C1QTNF7: variants seen among roughly 807,000 people sequenced by gnomAD.
C1QTNF7 encodes complement C1q tumor necrosis factor-related protein 7.
In C1QTNF7, 15 loss-of-function variants were observed where a neutral mutation model predicts 19.6. The observed-to-expected ratio is 0.76, with a 90% confidence interval of 0.51 to 1.18. The LOEUF is 1.18. Ranked by LOEUF, C1QTNF7 falls within the 50% of genes most tolerant of loss-of-function variation. The pLI is 0.00. For missense variants in C1QTNF7, 324 were observed against 359.7 expected, an observed-to-expected ratio of 0.90 and a Z score of 0.80; for synonymous variants, 142 against 137.5, an observed-to-expected ratio of 1.03 and a Z score of -0.23.
chr4:15,387,162 T>C (rs1364774659), intron 1 of C1QTNF7, among the ~76,000 whole-genome samples: 1 of 152,188 alleles, frequency 6.6e-6, no homozygotes, highest in Admixed American at 6.5e-5. Flanking sequence ...CAAAGGGGAC[T>C]CCAAGTTATT....
chr4:15,411,588 G>C (rs1297470932), intron 1 of C1QTNF7, among the ~76,000 whole-genome samples: 1 of 152,124 alleles, frequency 6.6e-6, no homozygotes, highest in East Asian at 1.9e-4. Flanking sequence ...GGTGGAGCTG[G>C]GCTTCAAACC....
chr4:15,361,881 A>G (rs1577235444), intron 1 of C1QTNF7, among the ~76,000 whole-genome samples: 1 of 152,306 alleles, frequency 6.6e-6, no homozygotes, highest in East Asian at 1.9e-4. Context: ...TCTTCCACCA[A>G]GAAAACACAT....
chr4:15,408,072 G>T (rs1480036000), intron 1 of C1QTNF7, among the ~76,000 whole-genome samples: 1 of 152,044 alleles, frequency 6.6e-6, no homozygotes, highest in East Asian at 1.9e-4. Flanking sequence ...TTCGAGAGCA[G>T]CCTGGCCAAT....
At chr4:15,408,935 T>C (rs2108914265) in intron 1 of C1QTNF7, among the ~76,000 whole-genome samples, 1 of 152,086 alleles carries the variant, frequency 6.6e-6, no homozygotes, top group East Asian at 1.9e-4. Flanking sequence ...CTGTGGGAAA[T>C]AAATGTCTGT....
chr4:15,362,127 G>A (rs1018034157), intron 1 of C1QTNF7, among the ~76,000 whole-genome samples: 17 of 152,114 alleles, frequency 1.1e-4, no homozygotes, highest in African/African-American at 3.9e-4. Flanking sequence ...CCTACACCTC[G>A]AATGGCTGTT....
At chr4:15,403,208 C>T (rs557639657) in intron 1 of C1QTNF7, among the ~76,000 whole-genome samples, 1 of 152,228 alleles carries the variant, frequency 6.6e-6, no homozygotes, top group South Asian at 2.1e-4. Context: ...CGCAGCCCTT[C>T]CCTCTTGGAG....
chr4:15,379,308 C>T (rs1469889534), intron 1 of C1QTNF7, among the ~76,000 whole-genome samples: 1 of 152,118 alleles, frequency 6.6e-6, no homozygotes, highest in African/African-American at 2.4e-5. Context: ...GGATCCGACA[C>T]AATTTCAACC....
chr4:15,401,950 G>C (rs1229044336), intron 1 of C1QTNF7, among the ~76,000 whole-genome samples: 1 of 152,088 alleles, frequency 6.6e-6, no homozygotes, highest in Non-Finnish European at 1.5e-5. Context: ...ACCCAAATTG[G>C]TATTTTGAAC....
At chr4:15,409,090 C>T (rs1427959467) in intron 1 of C1QTNF7, among the ~76,000 whole-genome samples, 2 of 152,152 alleles carry the variant, frequency 1.3e-5, no homozygotes, top group African/African-American at 2.4e-5. Context: ...TTTTCAATTC[C>T]ACTTCTGCTC....
At chr4:15,441,157 A>T (rs1712743133) in intron 2 of C1QTNF7, among the ~76,000 whole-genome samples, 2 of 152,170 alleles carry the variant, frequency 1.3e-5, no homozygotes, top group African/African-American at 4.8e-5. Context: ...AGAAAAAAAA[A>T]GAATTTATGT....
chr4:15,421,286 A>T (rs1460549851), intron 1 of C1QTNF7, among the ~76,000 whole-genome samples: 3 of 152,156 alleles, frequency 2.0e-5, no homozygotes, highest in Admixed American at 2.0e-4. Flanking sequence ...ACATAATGTC[A>T]CAAAGACACT....
chr4:15,359,610 G>A (rs1717266709), intron 1 of C1QTNF7, among the ~76,000 whole-genome samples: 1 of 152,054 alleles, frequency 6.6e-6, no homozygotes, highest in African/African-American at 2.4e-5. Flanking sequence ...AAAACCCATG[G>A]AGGTTTTCTC....
intron 1 of C1QTNF7, among the ~76,000 whole-genome samples, chr4:15,384,307 T>C (rs1338618903): frequency 3.3e-5 from 5 of 152,188 alleles, no homozygotes; most frequent in African/African-American, 1.2e-4. Context: ...CCTTGACAGA[T>C]TGAAATGATA....
intron 1 of C1QTNF7, among the ~76,000 whole-genome samples, chr4:15,375,214 G>A (rs1717893388): frequency 6.6e-6 from 1 of 152,058 alleles, no homozygotes; most frequent in Non-Finnish European, 1.5e-5. Context: ...TAGGATTTTA[G>A]TAGAGGAAAA....
intron 1 of C1QTNF7, among the ~76,000 whole-genome samples, chr4:15,368,073 C>T (rs1717591725): frequency 6.6e-6 from 1 of 152,118 alleles, no homozygotes; most frequent in African/African-American, 2.4e-5. Flanking sequence ...CTGTCCCTGA[C>T]CTCATGCAAC....
chr4:15,369,605 TCTA>T (rs1259425649), intron 1 of C1QTNF7, among the ~76,000 whole-genome samples: 4 of 152,238 alleles, frequency 2.6e-5, no homozygotes, highest in African/African-American at 4.8e-5. Context: ...GCATTTTTAA[TCTA>T]CTACAGTAAG....
chr4:15,353,480 A>G (rs1173051049), intron 1 of C1QTNF7, among the ~76,000 whole-genome samples: 1 of 152,328 alleles, frequency 6.6e-6, no homozygotes, highest in Middle Eastern at 3.4e-3. Context: ...TGACACACCC[A>G]TAAAATACAA....
At chr4:15,420,869 G>T (rs188174242) in intron 1 of C1QTNF7, among the ~76,000 whole-genome samples, 1 of 113,628 alleles carries the variant, frequency 8.8e-6, no homozygotes, top group South Asian at 2.9e-4. Context: ...AAACCTCAGT[G>T]CTCAGCTTTC....
chr4:15,361,564 G>A (rs940781469), intron 1 of C1QTNF7, among the ~76,000 whole-genome samples: 2 of 152,056 alleles, frequency 1.3e-5, no homozygotes, highest in Non-Finnish European at 2.9e-5. Flanking sequence ...TTCCAGAAAG[G>A]TGTTTTTGCC....
Sources: gnomAD v4.1 joint callset for allele counts (sites outside exome capture counted in the v4.1 genomes callset) on GRCh38, gnomAD v4.1.1 for gene constraint, MANE v1.5 for transcripts, NCBI Gene and HGNC (gene_info 2026-07-23, HGNC 2026-07-21) for gene names.